Variants in ITGB4 observed in about 807,000 individuals in gnomAD.
ITGB4 encodes integrin beta-4.
ITGB4 carries 159 observed loss-of-function variants against 207.6 expected under a neutral mutation model. That is an observed-to-expected ratio of 0.77 (90% CI 0.67 to 0.87). ITGB4 has a LOEUF of 0.87. Among genes scored for constraint, ITGB4 ranks in the 40% least tolerant of loss-of-function variants. ITGB4 has a pLI of 0.00. For synonymous variants in ITGB4, 1,020 were observed against 1,062.7 expected (o/e 0.96, Z 0.78); for missense variants, 2,278 against 2,546.8 (o/e 0.89, Z 2.27).
Position 75,757,028 on chromosome 17 carries a change from G to A in ITGB4, c.5139G>A (p.Lys1713=). ...GCCTCAGCGAGAACGTGCCCTACAA[G>A]TTCAAGGTGCAGGCCAGGACCACTG... The part of the protein sequence containing the change: ...VPGLSENVPY[K]FKVQARTTEG... Residue 1713 remains lysine (K), a synonymous_variant, in exon 38 of 40, where the codon AAG becomes AAA. Coordinates refer to ENST00000200181, the MANE Select transcript of ITGB4 (RefSeq NM_000213.5). 7 of 1,612,978 alleles carry A rather than the reference G, an allele frequency of 4.3e-6. No individual in the cohort carries two copies. Among genetic ancestry groups the A allele is most frequent in the South Asian group, 1.1e-5 (1 of 91,082 alleles).
chr17:75,756,920 CT>C, intron 37 of ITGB4, 22 bp from the exon 38 acceptor site: 1 of 1,612,366 alleles, frequency 6.2e-7, no homozygotes, highest in East Asian at 2.2e-5. Flanking sequence ...GCCGCAGACG[CT>C]GAAGGCATCT....
intron 32 of ITGB4, 141 bp downstream of exon 32, chr17:75,752,718 C>T (rs1020979863): frequency 2.8e-6 from 3 of 1,054,680 alleles, no homozygotes; most frequent in East Asian, 5.0e-5. Flanking sequence ...CAATGGAGTG[C>T]ACATCTGTGC....
In ITGB4 at chr17:75,750,074, ATC is replaced by A. The variant is rs757399964; in HGVS notation, c.3317-35_3317-34del. The A allele has an allele frequency of 6.2e-7, 1 of 1,612,958 alleles. No individual in the cohort carries two copies. ...TGGCGCCCCCTGGTGGTGAAGGGGG[ATC>A]TGAGTGGTTGCCCGGCCCCAACCTG... On this transcript the variant is annotated intron_variant, in intron 27 of 39. Transcript: ENST00000200181. This position sits in a 1 kb window ranked among gnomAD's most constrained non-coding sequence, Gnocchi z 5.5.
In ITGB4 at chr17:75,742,862, A is replaced by C. The variant is rs1222109133; in HGVS notation, c.2962+101A>C. The C allele has an allele frequency of 8.9e-7, 1 of 1,123,310 alleles. No homozygotes were observed. Among genetic ancestry groups the C allele is most frequent in the Non-Finnish European group, 1.3e-6 (1 of 786,322 alleles). The allele number at this position is 1,123,310 out of a possible 1,614,324, so 69.6% of individuals were successfully genotyped here. ...GCGACCTGGCCACGTGGCCTGGGCT[A>C]GTCACTTAACCTCTGCAAGCCTTGG... On this transcript the variant is annotated intron_variant, in intron 25 of 39. Transcript: ENST00000200181. The surrounding 1 kb of genome is among the most constrained non-coding windows in gnomAD (Gnocchi z 5.9).
chr17:75,756,811 G>A lies in ITGB4; in HGVS notation c.5005G>A (p.Gly1669Arg). The part of the protein sequence containing the change: ...LSWERPRRPN[G>R]DIVGYLVTCE... ...CTGGGAGCGGCCACGGAGGCCCAATGGGGATATCGTCGGCTACCTGGTGAC... is the reference window on the plus strand; with the variant it reads ...CTGGGAGCGGCCACGGAGGCCCAATAGGGATATCGTCGGCTACCTGGTGAC... Residue 1669 changes from glycine to arginine, a missense_variant, in exon 37 of 40, where the codon GGG (glycine) becomes AGG (arginine). Gly to Arg is a moderately radical substitution (Grantham distance 125). Transcript: ENST00000200181. 7 of 1,612,540 alleles carry A rather than the reference G, an allele frequency of 4.3e-6. No homozygotes were observed. The highest frequency in any genetic ancestry group is 5.9e-6 in the Non-Finnish European group (7 of 1,180,008).
At chr17:75,746,056 C>A (rs2061225804) in intron 26 of ITGB4, among the ~76,000 whole-genome samples, 2 of 152,068 alleles carry the variant, frequency 1.3e-5, no homozygotes, top group African/African-American at 4.8e-5. Context: ...TTTCCAATGT[C>A]CCCCCATAAA....
Position 75,750,856 on chromosome 17 carries a change from G to T in ITGB4, c.3651G>T (p.Gln1217His), listed in dbSNP as rs1371197970. ...CCCTGGTGTCCTGCCGCACCCACCA[G>T]GAAGGTGAGGCCTCGCCATGTCTGT... ...YSSLVSCRTH[Q>H]EVPSEPGRLA... The change falls in exon 29 of 40, where the codon CAG becomes CAT. Residue 1217 changes from glutamine (Q) to histidine (H), a missense_variant. By Grantham distance (24) the Gln-to-His change is conservative (BLOSUM62 0). Coordinates refer to ENST00000200181, the MANE Select transcript of ITGB4 (RefSeq NM_000213.5). This position sits in a 1 kb window ranked among gnomAD's most constrained non-coding sequence, Gnocchi z 5.5. The T allele has an allele frequency of 1.2e-6, 2 of 1,613,404 alleles. No homozygotes were observed. The highest frequency in any genetic ancestry group is 1.7e-6 in the Non-Finnish European group (2 of 1,180,016).
rs529350449 is a variant in ITGB4 at position 75,743,150 on chromosome 17, G to C, written c.2962+389G>C. On this transcript the variant is annotated intron_variant, in intron 25 of 39. Coordinates refer to ENST00000200181, the MANE Select transcript of ITGB4 (RefSeq NM_000213.5). ...CTCTCCTCCAGCCCTGGGGCTGAAG[G>C]CTCCATCTCTGGTCCTGCCCGTGAC... Among the ~76,000 whole-genome samples the C allele has an allele frequency of 3.9e-5, 6 of 152,204 alleles. No individual in the cohort carries two copies. The South Asian group carries it at 1.2e-3, about 32-fold the overall frequency.
At chr17:75,745,740 A>G (rs1473034641) in intron 26 of ITGB4, among the ~76,000 whole-genome samples, 1 of 152,076 alleles carries the variant, frequency 6.6e-6, no homozygotes, top group South Asian at 2.1e-4. Flanking sequence ...TTAGCTGGGC[A>G]TGGTGACACG....
At chr17:75,726,653 A>G (rs2060722138) in intron 2 of ITGB4, among the ~76,000 whole-genome samples, 1 of 147,850 alleles carries the variant, frequency 6.8e-6, no homozygotes, top group Non-Finnish European at 1.5e-5. Flanking sequence ...AATCACTTGA[A>G]CCTGGGAGGC....
At position 75,740,097 on chromosome 17, in the gene ITGB4, C is replaced by T. The variant is rs1163696748; in HGVS notation, c.2446+26C>T. 6.3e-7 allele frequency: 1 copy of T among 1,598,074 alleles called. No homozygotes were observed. The highest frequency in any genetic ancestry group is 8.5e-7 in the Non-Finnish European group (1 of 1,171,872). ...GTGAGGGCGGGGCTGGGCGCCACAG[C>T]TCTGGGCAGTGCCCTTCGGGCCCTC... On this transcript the variant is annotated intron_variant, in intron 20 of 39. Transcript: ENST00000200181. This position sits in a 1 kb window ranked among gnomAD's most constrained non-coding sequence, Gnocchi z 5.9.
Position 75,739,829 on chromosome 17 carries a change from G to C in ITGB4, c.2255-51G>C. 1 of 1,610,468 alleles carries C rather than the reference G, an allele frequency of 6.2e-7. No homozygotes were observed. Among genetic ancestry groups the C allele is most frequent in the Non-Finnish European group, 8.5e-7 (1 of 1,177,144 alleles). Reference sequence around the variant, plus strand: ...CTCTGGGGTCCCACCTGAAGAGGTTGGGCTGTGCGGGTCTAGGGAGGGGTG... The same window carrying C: ...CTCTGGGGTCCCACCTGAAGAGGTTCGGCTGTGCGGGTCTAGGGAGGGGTG... On this transcript the variant is annotated intron_variant, in intron 19 of 39. Transcript: ENST00000200181. The surrounding 1 kb of genome is among the most constrained non-coding windows in gnomAD (Gnocchi z 5.4).
Position 75,731,798 on chromosome 17 carries a change from CG to C in ITGB4, c.1216-10del. The C allele has an allele frequency of 6.4e-7, 1 of 1,566,812 alleles. No individual in the cohort carries two copies. The highest frequency in any genetic ancestry group is 8.7e-7 in the Non-Finnish European group (1 of 1,154,778). ...GGGCTGGGCCTGCCTTGGCTGACCA[CG>C]GGGCCCCTGCAGGGTATATACCAGG... On this transcript the variant is annotated splice_polypyrimidine_tract_variant and intron_variant, in intron 10 of 39. Coordinates refer to ENST00000200181, the MANE Select transcript of ITGB4 (RefSeq NM_000213.5). This position sits in a 1 kb window ranked among gnomAD's most constrained non-coding sequence, Gnocchi z 6.8.
chr17:75,730,759 G>T, intron 8 of ITGB4, 116 bp from the exon 9 acceptor site: 1 of 1,113,594 alleles, frequency 9.0e-7, no homozygotes, highest in Non-Finnish European at 1.3e-6. Flanking sequence ...GGCAGGCTCT[G>T]CGACACCACA....
At position 75,740,461 on chromosome 17, in the gene ITGB4, C is replaced by T. The variant is rs372551314; in HGVS notation, c.2550C>T (p.Asn850=). 3.2e-5 allele frequency: 51 copies of T among 1,612,316 alleles called. No individual in the cohort carries two copies. Among genetic ancestry groups the T allele is most frequent in the Non-Finnish European group, 4.0e-5 (47 of 1,179,112 alleles). ...AGCTGCGCCAGGAGGTGGAGGAGAACGTAAGGACCCAGGAACTAGGCCTGG... is the reference window on the plus strand; with the variant it reads ...AGCTGCGCCAGGAGGTGGAGGAGAATGTAAGGACCCAGGAACTAGGCCTGG... The part of the protein sequence containing the change: ...CAQLRQEVEE[N]LNEVYRQISG... Residue 850 remains asparagine (N), a splice_region_variant and synonymous_variant, in exon 21 of 40, where the codon AAC becomes AAT. Transcript: ENST00000200181. This position sits in a 1 kb window ranked among gnomAD's most constrained non-coding sequence, Gnocchi z 5.9.
Position 75,729,327 on chromosome 17 carries a change from CAGA to C in ITGB4, c.633_635del (p.Glu211del). The C allele has an allele frequency of 6.2e-7, 1 of 1,614,160 alleles. No homozygotes were observed. The highest frequency in any genetic ancestry group is 8.5e-7 in the Non-Finnish European group (1 of 1,180,020). On this transcript the variant is annotated inframe_deletion, in exon 7 of 40. Coordinates refer to ENST00000200181, the MANE Select transcript of ITGB4 (RefSeq NM_000213.5). The surrounding 1 kb of genome is among the most constrained non-coding windows in gnomAD (Gnocchi z 4.4). ...TCCTTCAAGAACGTCATCAGCCTGA[CAGA>C]AGATGTGGATGAGTTCCGGAATAAA...
In ITGB4 at chr17:75,750,916, C is replaced by T; in HGVS notation, c.3655+56C>T. The T allele has an allele frequency of 1.2e-6, 2 of 1,613,188 alleles. No individual in the cohort carries two copies. The highest frequency in any genetic ancestry group is 1.7e-6 in the Non-Finnish European group (2 of 1,179,860). On this transcript the variant is annotated intron_variant, in intron 29 of 39. Coordinates refer to ENST00000200181, the MANE Select transcript of ITGB4 (RefSeq NM_000213.5). This position sits in a 1 kb window ranked among gnomAD's most constrained non-coding sequence, Gnocchi z 5.5. The stretch of plus-strand genomic sequence containing the variant: ...CCCTGGCTGCCCTGATGCCAGCATG[C>T]CCAGACCTCCCTCCCTCTGCCACTG...
At chr17:75,752,615 G>A in intron 32 of ITGB4, 38 bp downstream of exon 32, 3 of 1,612,190 alleles carry the variant, frequency 1.9e-6, no homozygotes, top group Non-Finnish European at 2.5e-6. Flanking sequence ...GGACAGTGGG[G>A]GTCTTGGGTA....
intron 25 of ITGB4, 71 bp from the exon 26 acceptor site, chr17:75,743,642 G>A: frequency 1.2e-6 from 2 of 1,606,928 alleles, no homozygotes; most frequent in South Asian, 1.1e-5. Flanking sequence ...GCTGGGCAGG[G>A]TCACAGGAGA....
Sources: gnomAD v4.1 joint callset for allele counts (sites outside exome capture counted in the v4.1 genomes callset) on GRCh38, gnomAD v4.1.1 for gene constraint, Gnocchi (gnomAD v3.1) non-coding constraint, MANE v1.5 for transcripts, NCBI Gene and HGNC (gene_info 2026-07-23, HGNC 2026-07-21) for gene names.